Variants in IL18 observed in about 807,000 individuals in gnomAD.
IL18 encodes the protein interleukin 18.
Under a neutral mutation model 14.2 loss-of-function variants are expected in IL18, and 8 were observed. The ratio of observed to expected loss-of-function variants is 0.56; its 90% CI spans 0.33 to 1.01. IL18 has a LOEUF of 1.01. Ranked by LOEUF, IL18 falls within the 50% of genes least tolerant of loss-of-function variation. The probability of loss-of-function intolerance (pLI) is 0.03; values close to 1 mark genes in which losing one functional copy is unlikely to be tolerated. For missense variants in IL18, 166 were observed against 231.1 expected (o/e 0.72, Z 1.83); for synonymous variants, 67 against 71.0 (o/e 0.94, Z 0.28).
At chr11:112,145,748 G>GA (rs1428684358) in intron 5 of IL18, among the ~76,000 whole-genome samples, 1 of 141,482 alleles carries the variant, frequency 7.1e-6, no homozygotes. Flanking sequence ...CAAAAAAAAA[G>GA]AAAAAAAGAA....
chr11:112,155,597 C>T (rs1486942017), intron 1 of IL18, among the ~76,000 whole-genome samples: 1 of 152,086 alleles, frequency 6.6e-6, no homozygotes, highest in Non-Finnish European at 1.5e-5. Flanking sequence ...ATTTGGTGGC[C>T]CTCTTTCTCC....
At chr11:112,152,125 A>G (rs5744256) in intron 3 of IL18, among the ~76,000 whole-genome samples, 24,704 of 152,208 alleles carry the variant, frequency 0.16, 2,699 homozygotes, top group Non-Finnish European at 0.25. Flanking sequence ...TCTCAGATCC[A>G]AAACGAAATG....
At chr11:112,155,533 A>C (rs1866517453) in intron 1 of IL18, among the ~76,000 whole-genome samples, 1 of 152,136 alleles carries the variant, frequency 6.6e-6, no homozygotes, top group South Asian at 2.1e-4. Flanking sequence ...ATGATAAAAA[A>C]GTGCTTCCAT....
intron 1 of IL18, among the ~76,000 whole-genome samples, chr11:112,159,207 C>T (rs1207968677): frequency 6.6e-6 from 1 of 151,978 alleles, no homozygotes; most frequent in African/African-American, 2.4e-5. Flanking sequence ...ACAAAATTAG[C>T]TGGGTGTGGT....
chr11:112,163,272 T>C (rs190771696), intron 1 of IL18, among the ~76,000 whole-genome samples: 24 of 152,360 alleles, frequency 1.6e-4, no homozygotes, highest in African/African-American at 5.3e-4. Context: ...TGACTAACCA[T>C]GGGCAAATTT....
At chr11:112,163,040 A>G (rs1360415540) in intron 1 of IL18, among the ~76,000 whole-genome samples, 1 of 152,188 alleles carries the variant, frequency 6.6e-6, no homozygotes, top group Non-Finnish European at 1.5e-5. Flanking sequence ...GAGCTAGTGC[A>G]CCTGGCCTGA....
chr11:112,160,261 T>C (rs1866606084), intron 1 of IL18, among the ~76,000 whole-genome samples: 2 of 151,924 alleles, frequency 1.3e-5, no homozygotes. Flanking sequence ...CTCTCCTCCA[T>C]TGTTGCCACA....
chr11:112,143,721 A>C lies in IL18; in HGVS notation c.457T>G (p.Ser153Ala), dbSNP rs749986913. ...AGAAAGTATCCTTCGTATGATGAAG[A>C]TTCAAATTGCATCTTATTATCATGT... is the stretch of plus-strand genomic sequence containing the variant. Reference protein sequence around the residue: ...PGHDNKMQFESSSYEGYFLAC... With the variant: ...PGHDNKMQFEASSYEGYFLAC... Residue 153 changes from serine to alanine, a missense_variant, in exon 6 of 6, where the codon TCT (serine) becomes GCT (alanine). Transcript: ENST00000280357. 1 of 1,612,688 alleles carries C rather than the reference A, an allele frequency of 6.2e-7. No homozygotes were observed. The highest frequency in any genetic ancestry group is 8.5e-7 in the Non-Finnish European group (1 of 1,178,776).
intron 1 of IL18, among the ~76,000 whole-genome samples, chr11:112,158,559 T>C (rs1321597006): frequency 8.7e-6 from 1 of 114,524 alleles, no homozygotes; most frequent in Non-Finnish European, 1.7e-5. Context: ...ATACATCCCT[T>C]AGCACTTGGA....
At chr11:112,149,142 T>C (rs1866391182) in intron 4 of IL18, among the ~76,000 whole-genome samples, 1 of 151,910 alleles carries the variant, frequency 6.6e-6, no homozygotes, top group Non-Finnish European at 1.5e-5. Context: ...AATACAAAAA[T>C]TAGCCGGGTG....
rs192017880 is a variant in IL18 at position 112,146,177 on chromosome 11, A to G, written c.361-2360T>C. 3.3e-5 allele frequency among the ~76,000 whole-genome samples: 5 copies of G among 151,960 alleles called. No individual in the cohort carries two copies. The East Asian group carries it at 7.7e-4, about 23-fold the overall frequency. On this transcript the variant is annotated intron_variant, in intron 5 of 5. Transcript: ENST00000280357. ...GATATAGATACATATATACATGTAT[A>G]TGTATATATATGAAACAGACACTGA...
chr11:112,150,447 G>T (rs1216487954), intron 3 of IL18: 1 of 360,386 alleles, frequency 2.8e-6, no homozygotes, highest in Admixed American at 4.4e-5. Flanking sequence ...TTTCTGACCG[G>T]TCTCTTACCC....
intron 3 of IL18, 36 bp downstream of exon 3, chr11:112,153,556 A>G (rs1264912104): frequency 6.8e-7 from 1 of 1,467,552 alleles, no homozygotes; most frequent in South Asian, 1.2e-5. Context: ...GCAGATACTT[A>G]GTTTGCAAAG....
chr11:112,152,608 T>G (rs1866461924), intron 3 of IL18, among the ~76,000 whole-genome samples: 1 of 152,224 alleles, frequency 6.6e-6, no homozygotes, highest in African/African-American at 2.4e-5. Flanking sequence ...ATTGATGTGT[T>G]TAACTTCCAA....
chr11:112,144,935 C>T (rs1866309576), intron 5 of IL18, among the ~76,000 whole-genome samples: 1 of 152,188 alleles, frequency 6.6e-6, no homozygotes, highest in African/African-American at 2.4e-5. Flanking sequence ...TGCACTTTTC[C>T]TGTTAGTGCA....
chr11:112,155,199 A>C, intron 1 of IL18, 138 bp from the exon 2 acceptor site: 2 of 537,726 alleles, frequency 3.7e-6, no homozygotes, highest in Non-Finnish European at 3.4e-6. Flanking sequence ...AAATGCCAGA[A>C]GTTTCAGCTT....
intron 1 of IL18, among the ~76,000 whole-genome samples, chr11:112,159,497 CT>C (rs367755200): frequency 2.6e-5 from 4 of 152,106 alleles, no homozygotes; most frequent in South Asian, 2.1e-4. Flanking sequence ...GATTTCTCAG[CT>C]GATCTGTTGT....
chr11:112,151,781 A>G (rs1332350318), intron 3 of IL18, among the ~76,000 whole-genome samples: 3 of 152,170 alleles, frequency 2.0e-5, no homozygotes, highest in Non-Finnish European at 4.4e-5. Context: ...ATTCAACACA[A>G]CACCTATCCC....
chr11:112,152,732 G>C (rs1866464611), intron 3 of IL18, among the ~76,000 whole-genome samples: 1 of 152,148 alleles, frequency 6.6e-6, no homozygotes, highest in Non-Finnish European at 1.5e-5. Flanking sequence ...CAACAACTAG[G>C]GGATGATGGG....
Sources: gnomAD v4.1 joint callset for allele counts (sites outside exome capture counted in the v4.1 genomes callset) on GRCh38, gnomAD v4.1.1 for gene constraint, MANE v1.5 for transcripts, NCBI Gene and HGNC (gene_info 2026-07-23, HGNC 2026-07-21) for gene names.